Variants in FMNL2 observed in about 807,000 individuals in gnomAD.
The protein encoded by FMNL2 is formin like 2, also known as formin-like protein 2.
In FMNL2, 51 loss-of-function variants were observed where a neutral mutation model predicts 130.2. That is an observed-to-expected ratio of 0.39 (90% CI 0.31 to 0.49). The LOEUF (loss-of-function observed/expected upper bound fraction) is 0.49. FMNL2 is among the 20% of genes least tolerant of loss of function. The pLI is 0.85. For missense variants in FMNL2, 977 were observed against 1,316.2 expected (o/e 0.74, Z 3.99); for synonymous variants, 465 against 467.1 (o/e 1.00, Z 0.06).
At chr2:152,629,218 T>C (rs1173421505) in intron 18 of FMNL2, among the ~76,000 whole-genome samples, 1 of 152,242 alleles carries the variant, frequency 6.6e-6, no homozygotes, top group Non-Finnish European at 1.5e-5. Context: ...GAAAACATGT[T>C]CTGAGAACTT....
chr2:152,382,127 T>C (rs1236731192), intron 1 of FMNL2, among the ~76,000 whole-genome samples: 1 of 152,214 alleles, frequency 6.6e-6, no homozygotes, highest in Non-Finnish European at 1.5e-5. Flanking sequence ...GTTTTAACCA[T>C]GTTGTTTCAC....
At chr2:152,641,118 G>T (rs1683048703) in intron 25 of FMNL2, among the ~76,000 whole-genome samples, 1 of 152,146 alleles carries the variant, frequency 6.6e-6, no homozygotes, top group Non-Finnish European at 1.5e-5. Flanking sequence ...TTGGAACCCT[G>T]TAAGTTTCAG....
chr2:152,379,574 T>C (rs1386988979), intron 1 of FMNL2, among the ~76,000 whole-genome samples: 1 of 152,188 alleles, frequency 6.6e-6, no homozygotes, highest in East Asian at 1.9e-4. Flanking sequence ...TGCAAGTACC[T>C]AATGTTTTTA....
At chr2:152,481,230 C>T (rs547348795) in intron 1 of FMNL2, among the ~76,000 whole-genome samples, 2 of 152,270 alleles carry the variant, frequency 1.3e-5, no homozygotes, top group South Asian at 2.1e-4. Context: ...TGTCTAGTGA[C>T]GCCTCCATTT....
At chr2:152,408,326 C>T (rs1305436447) in intron 1 of FMNL2, among the ~76,000 whole-genome samples, 4 of 151,632 alleles carry the variant, frequency 2.6e-5, no homozygotes, top group Admixed American at 6.5e-5. Context: ...GTGTCTTTGT[C>T]GTATTATGTT....
chr2:152,414,091 T>A (rs188172755), intron 1 of FMNL2, among the ~76,000 whole-genome samples: 32 of 152,332 alleles, frequency 2.1e-4, no homozygotes, highest in Non-Finnish European at 2.9e-4. Context: ...TTCTATTTGA[T>A]CTACCTGTTT....
intron 13 of FMNL2, among the ~76,000 whole-genome samples, chr2:152,618,191 TC>T (rs1186258814): frequency 6.6e-6 from 1 of 152,206 alleles, no homozygotes; most frequent in Non-Finnish European, 1.5e-5. Context: ...AATTGTAACT[TC>T]TTTGTTTTCT....
Position 152,629,664 on chromosome 2 carries a change from T to A in FMNL2, c.2409T>A (p.His803Gln). Residue 803 changes from histidine (H) to glutamine (Q), a missense_variant, in exon 19 of 26, where the codon CAT (histidine) becomes CAA (glutamine). By Grantham distance (24) the His-to-Gln change is conservative. Around this residue, in one of 4 missense-constraint regions of FMNL2, gnomAD observed 689 missense variants for 995.9 expected, o/e 0.69. Transcript: ENST00000288670. The stretch of plus-strand genomic sequence containing the variant: ...CTTTGATTGGAATCTAGCAACTACA[T>A]GCGATTATAGCAGCATCTGTCTCTA... ...ESIQMLTPQLHAIIAASVSIK... is the reference protein window; with the variant it reads ...ESIQMLTPQLQAIIAASVSIK... The A allele has an allele frequency of 6.3e-7, 1 of 1,597,872 alleles. No homozygotes were observed. Among genetic ancestry groups the A allele is most frequent in the Non-Finnish European group, 8.5e-7 (1 of 1,171,454 alleles).
chr2:152,639,603 A>C (rs537631548), intron 23 of FMNL2, among the ~76,000 whole-genome samples: 1 of 152,260 alleles, frequency 6.6e-6, no homozygotes, highest in East Asian at 1.9e-4. Context: ...TATCAGAGGA[A>C]CTCTAGGTAG....
intron 1 of FMNL2, among the ~76,000 whole-genome samples, chr2:152,465,078 C>T (rs1382265291): frequency 6.6e-6 from 1 of 152,212 alleles, no homozygotes; most frequent in Non-Finnish European, 1.5e-5. Context: ...ACCATGGCAG[C>T]ATCAACAAGA....
intron 7 of FMNL2, among the ~76,000 whole-genome samples, chr2:152,576,771 A>G (rs1285102808): frequency 6.6e-6 from 1 of 152,218 alleles, no homozygotes; most frequent in Non-Finnish European, 1.5e-5. Flanking sequence ...TATTAGGGGA[A>G]GAAGGTTCTA....
intron 1 of FMNL2, among the ~76,000 whole-genome samples, chr2:152,412,106 T>C (rs911090791): frequency 1.3e-5 from 2 of 152,276 alleles, no homozygotes; most frequent in Admixed American, 1.3e-4. Context: ...TGTAAGCTTT[T>C]ATTTCCTTTC....
intron 1 of FMNL2, among the ~76,000 whole-genome samples, chr2:152,506,258 G>A (rs1692164219): frequency 6.6e-6 from 1 of 152,026 alleles, no homozygotes; most frequent in Non-Finnish European, 1.5e-5. Flanking sequence ...TTCATAGAGG[G>A]CCTTTTATTT....
chr2:152,434,306 G>A (rs534320318), intron 1 of FMNL2, among the ~76,000 whole-genome samples: 1 of 152,298 alleles, frequency 6.6e-6, no homozygotes, highest in South Asian at 2.1e-4. Context: ...ATTTACAAAT[G>A]GCAGGGGGTA....
rs114358756 is a variant in FMNL2, at chr2:152,562,350, C to A, written c.596+1315C>A. Among the ~76,000 whole-genome samples the A allele has an allele frequency of 1.7e-3, 260 of 152,316 alleles. 3 individuals are homozygous for A. The East Asian group carries it at 0.027, about 16-fold the overall frequency. On this transcript the variant is annotated intron_variant, in intron 6 of 25. Transcript: ENST00000288670. ...TTATTTCTCTAAGTGTTTACGATCACTCCGGGTATTCAGTCATTGTTGTAG... is the reference window on the plus strand; with the variant it reads ...TTATTTCTCTAAGTGTTTACGATCAATCCGGGTATTCAGTCATTGTTGTAG...
chr2:152,607,470 TACACACACACAC>T (rs3080598), intron 10 of FMNL2, 57 bp downstream of exon 10: 41 of 618,002 alleles, frequency 6.6e-5, no homozygotes, highest in Admixed American at 1.8e-4. Context: ...TTTTTCTAAA[TACACACACACAC>T]ACACACACAC....
At chr2:152,388,720 A>G (rs1684930192) in intron 1 of FMNL2, among the ~76,000 whole-genome samples, 2 of 152,328 alleles carry the variant, frequency 1.3e-5, no homozygotes, top group South Asian at 4.2e-4. Context: ...TTCTAATACT[A>G]TTGCAGGACC....
At chr2:152,487,437 G>C (rs1558905472) in intron 1 of FMNL2, among the ~76,000 whole-genome samples, 1 of 152,150 alleles carries the variant, frequency 6.6e-6, no homozygotes, top group African/African-American at 2.4e-5. Flanking sequence ...TTACAAATAT[G>C]TTGCTAAGAG....
intron 1 of FMNL2, among the ~76,000 whole-genome samples, chr2:152,398,127 A>G (rs2105951545): frequency 6.6e-6 from 1 of 152,254 alleles, no homozygotes; most frequent in South Asian, 2.1e-4. Context: ...TCCATCTCGA[A>G]AAAAAATAAA....
Sources: allele counts gnomAD v4.1 joint callset (sites outside exome capture counted in the v4.1 genomes callset), GRCh38; gene constraint gnomAD v4.1.1; regional missense constraint gnomAD v4.1.1; transcripts MANE v1.5; gene names NCBI Gene and HGNC (gene_info 2026-07-23, HGNC 2026-07-21).